Variants in PAPPA2 observed in about 807,000 individuals in gnomAD.
PAPPA2 encodes pappalysin 2.
PAPPA2 carries 86 observed loss-of-function variants against 176.4 expected under a neutral mutation model. The ratio of observed to expected loss-of-function variants is 0.49; its 90% CI spans 0.41 to 0.58. The LOEUF is 0.58. Among genes scored for constraint, PAPPA2 ranks in the 20% least tolerant of loss-of-function variants. PAPPA2 has a pLI of 0.00. For synonymous variants in PAPPA2, 809 were observed against 852.2 expected (o/e 0.95, Z 0.88); for missense variants, 2,073 against 2,256.9 (o/e 0.92, Z 1.65).
chr1:176,610,740 CACT>C (rs1257786822), intron 3 of PAPPA2, among the ~76,000 whole-genome samples: 2 of 152,210 alleles, frequency 1.3e-5, no homozygotes, highest in African/African-American at 4.8e-5. Flanking sequence ...TATAGGTTTT[CACT>C]TTCCTCTGCT....
intron 2 of PAPPA2, among the ~76,000 whole-genome samples, chr1:176,578,533 T>C (rs240099): frequency 0.81 from 123,032 of 152,144 alleles, 50,029 homozygotes; most frequent in East Asian, 0.93. Context: ...GTTCCTGTGG[T>C]AAATTCATAG....
intron 14 of PAPPA2, among the ~76,000 whole-genome samples, chr1:176,751,178 C>G (rs933071256): frequency 1.9e-4 from 29 of 151,690 alleles, no homozygotes; most frequent in Non-Finnish European, 3.8e-4. Flanking sequence ...TCTGAGGGCT[C>G]TGTTCTGTTC....
chr1:176,813,479 A>G (rs1032679451), intron 21 of PAPPA2, among the ~76,000 whole-genome samples: 1 of 152,188 alleles, frequency 6.6e-6, no homozygotes, highest in Non-Finnish European at 1.5e-5. Flanking sequence ...AATAATAGCC[A>G]TTCTCACTGG....
At chr1:176,727,193 A>C (rs1424425604) in intron 12 of PAPPA2, among the ~76,000 whole-genome samples, 3 of 152,202 alleles carry the variant, frequency 2.0e-5, no homozygotes, top group African/African-American at 7.2e-5. Context: ...ACAGAAAATA[A>C]ATACCAAGAT....
rs1303252908 is a variant in PAPPA2, at chr1:176,569,280, A to G, written c.919+12039A>G. Among the ~76,000 whole-genome samples the G allele has an allele frequency of 2.0e-5, 3 of 152,336 alleles. No individual in the cohort carries two copies. The East Asian group carries it at 5.8e-4, about 29-fold the overall frequency. On this transcript the variant is annotated intron_variant, in intron 2 of 22. Transcript: ENST00000367662. ...AAACCATTAGCAGTGCCACAGATACAGCACTCTCCCTGGCCTCTAGCCCCT... is the reference window on the plus strand; with the variant it reads ...AAACCATTAGCAGTGCCACAGATACGGCACTCTCCCTGGCCTCTAGCCCCT...
chr1:176,706,109 G>A (rs974646098), intron 9 of PAPPA2, among the ~76,000 whole-genome samples: 1 of 152,102 alleles, frequency 6.6e-6, no homozygotes, highest in South Asian at 2.1e-4. Flanking sequence ...TGAGCCATGA[G>A]CTACTTAACT....
intron 3 of PAPPA2, among the ~76,000 whole-genome samples, chr1:176,613,716 T>G (rs1207820012): frequency 1.3e-5 from 2 of 152,234 alleles, no homozygotes; most frequent in South Asian, 2.1e-4. Context: ...AAATAATCAT[T>G]AATAGAGTAG....
intron 3 of PAPPA2, among the ~76,000 whole-genome samples, chr1:176,648,151 T>C (rs1657520177): frequency 6.6e-6 from 1 of 151,574 alleles, no homozygotes; most frequent in South Asian, 2.1e-4. Context: ...GACTTTTAAC[T>C]TCTTTGGTTA....
intron 1 of PAPPA2, among the ~76,000 whole-genome samples, chr1:176,506,343 T>C (rs1378858780): frequency 6.6e-6 from 1 of 152,106 alleles, no homozygotes; most frequent in African/African-American, 2.4e-5. Context: ...GCTTTTTTTT[T>C]TCTTCCATAT....
intron 1 of PAPPA2, among the ~76,000 whole-genome samples, chr1:176,490,598 G>A (rs1647236758): frequency 6.6e-6 from 1 of 152,156 alleles, no homozygotes; most frequent in Non-Finnish European, 1.5e-5. Context: ...AATATTTCAT[G>A]TGTGTTCATC....
At chr1:176,471,091 C>G (rs1361925092) in intron 1 of PAPPA2, among the ~76,000 whole-genome samples, 1 of 152,024 alleles carries the variant, frequency 6.6e-6, no homozygotes, top group Non-Finnish European at 1.5e-5. Flanking sequence ...TCAAGAAGAA[C>G]ACAGGAAGGG....
chr1:176,783,140 A>G (rs1286433182), intron 17 of PAPPA2, among the ~76,000 whole-genome samples: 4 of 152,208 alleles, frequency 2.6e-5, no homozygotes, highest in Admixed American at 2.6e-4. Context: ...AACTTAAACA[A>G]TAATAGTCCC....
chr1:176,809,972 G>A (rs1390942783), intron 21 of PAPPA2, among the ~76,000 whole-genome samples: 1 of 151,138 alleles, frequency 6.6e-6, no homozygotes, highest in Non-Finnish European at 1.5e-5. Flanking sequence ...GTGTGTGTGT[G>A]TGTGTGTGTG....
At position 176,770,952 on chromosome 1, in the gene PAPPA2, C is replaced by A; in HGVS notation, c.4502-15C>A. ...TCTGTTCTGAGCATCTTGTGCTTCT[C>A]TTTCCTGGAGTCAGGACTGAGCCCA... On this transcript the variant is annotated splice_polypyrimidine_tract_variant and intron_variant, in intron 16 of 22. Transcript: ENST00000367662. 6.2e-7 allele frequency: 1 copy of A among 1,612,260 alleles called. No homozygotes were observed. The highest frequency in any genetic ancestry group is 8.5e-7 in the Non-Finnish European group (1 of 1,178,910).
chr1:176,812,682 A>G (rs1396383263), intron 21 of PAPPA2, among the ~76,000 whole-genome samples: 1 of 152,148 alleles, frequency 6.6e-6, no homozygotes. Context: ...ACTAACATAG[A>G]TGTTCATTTA....
chr1:176,833,967 C>T (rs1044460270), intron 21 of PAPPA2, among the ~76,000 whole-genome samples: 7 of 151,966 alleles, frequency 4.6e-5, no homozygotes, highest in African/African-American at 1.7e-4. Context: ...TTATGTGATT[C>T]TCATAAGGTA....
intron 17 of PAPPA2, among the ~76,000 whole-genome samples, chr1:176,776,517 CTATT>C (rs1250389606): frequency 3.9e-5 from 6 of 152,148 alleles, no homozygotes; most frequent in African/African-American, 1.4e-4. Flanking sequence ...CACATTGTGA[CTATT>C]TATTGTTTAA....
rs1484191038 is a variant in PAPPA2, at chr1:176,768,305, A to G, written c.4324-1302A>G. Among the ~76,000 whole-genome samples the G allele has an allele frequency of 1.3e-4, 19 of 151,624 alleles. 1 individual carries two copies. Among genetic ancestry groups the G allele is most frequent in the Admixed American group, 1.3e-3 (19 of 15,194 alleles). On this transcript the variant is annotated intron_variant, in intron 15 of 22. Transcript: ENST00000367662. ...CAATCCTGTATTACCTATTCTGTGG[A>G]ACTTCTCCTACATGCTCTCCTCCCT...
intron 2 of PAPPA2, among the ~76,000 whole-genome samples, chr1:176,590,072 A>G (rs1653564464): frequency 6.6e-6 from 1 of 152,234 alleles, no homozygotes; most frequent in Admixed American, 6.5e-5. Flanking sequence ...GTTCACAGGT[A>G]CAGTTGGTCA....
Sources: gnomAD v4.1 joint callset for allele counts (sites outside exome capture counted in the v4.1 genomes callset) on GRCh38, gnomAD v4.1.1 for gene constraint, MANE v1.5 for transcripts, NCBI Gene and HGNC (gene_info 2026-07-23, HGNC 2026-07-21) for gene names.